Variants in BBS7 observed in about 807,000 individuals in gnomAD.
BBS7 encodes BBSome complex member BBS7.
In BBS7, 50 loss-of-function variants were observed where a neutral mutation model predicts 90.3. The ratio of observed to expected loss-of-function variants is 0.55; its 90% CI spans 0.44 to 0.70. The LOEUF is 0.70. Among genes scored for constraint, BBS7 ranks in the 30% least tolerant of loss-of-function variants. The probability of loss-of-function intolerance (pLI) is 0.00; values close to 1 mark genes in which losing one functional copy is unlikely to be tolerated. For synonymous variants in BBS7, 235 were observed against 287.4 expected (o/e 0.82, Z 1.85); for missense variants, 729 against 838.9 (o/e 0.87, Z 1.62).
chr4:121,861,479 A>G, intron 4 of BBS7, 25 bp downstream of exon 4: 1 of 1,603,384 alleles, frequency 6.2e-7, no homozygotes, highest in South Asian at 1.1e-5. Flanking sequence ...GTATGTAAAA[A>G]TACAAAAGAG....
rs924170108 is a variant in BBS7 at position 121,825,751 on chromosome 4, T to C, written c.*109A>G. The C allele has an allele frequency of 1.9e-5, 21 of 1,085,300 alleles. No individual in the cohort carries two copies. In the African/African-American group the frequency reaches 3.0e-4, roughly 16 times the overall value. The allele number at this position is 1,085,300 out of a possible 1,614,324, so 67.2% of individuals were successfully genotyped here. A position where few individuals can be genotyped will look rare whatever the true frequency, so the allele number is the denominator to read the frequency against. On this transcript the variant is annotated 3_prime_UTR_variant, in exon 19 of 19. Transcript: ENST00000264499. ...CCATTATATCTCAAATATTTTTAGA[T>C]ATAAAAAAGCATTTGAAATTAAAGT...
intron 6 of BBS7, 68 bp from the exon 7 acceptor site, chr4:121,854,888 T>C: frequency 7.0e-7 from 1 of 1,420,758 alleles, no homozygotes; most frequent in Non-Finnish European, 9.8e-7. Context: ...AATTAAAATG[T>C]TGTTATGTAA....
intron 4 of BBS7, among the ~76,000 whole-genome samples, chr4:121,860,048 A>T (rs1299981688): frequency 6.6e-6 from 1 of 152,092 alleles, no homozygotes; most frequent in Non-Finnish European, 1.5e-5. Flanking sequence ...CTATTAAAAA[A>T]TTTTATATTA....
Position 121,833,234 on chromosome 4 carries a change from T to C in BBS7, c.1673A>G (p.Tyr558Cys), listed in dbSNP as rs1725280380. ...ACCAGTAATAAGTTAGATTTACCTG[T>C]AGGTACTTTCAAGTTGTGTATCTAG... ...TFLDTQLEST[Y>C]RKGEGVFKSD... The change falls in exon 15 of 19, where the codon TAC (tyrosine) becomes TGC (cysteine). Residue 558 changes from tyrosine to cysteine, a missense_variant. Transcript: ENST00000264499. The C allele has an allele frequency of 1.9e-6, 3 of 1,613,476 alleles. No individual in the cohort carries two copies. Among genetic ancestry groups the C allele is most frequent in the Non-Finnish European group, 2.5e-6 (3 of 1,179,558 alleles).
intron 6 of BBS7, 27 bp downstream of exon 6, chr4:121,855,462 A>G: frequency 6.3e-7 from 1 of 1,593,082 alleles, no homozygotes; most frequent in Non-Finnish European, 8.6e-7. Flanking sequence ...CACATAGTTG[A>G]TTTGTGAAAA....
chr4:121,849,890 A>G (rs1333606460), intron 8 of BBS7, among the ~76,000 whole-genome samples: 2 of 152,182 alleles, frequency 1.3e-5, no homozygotes, highest in Non-Finnish European at 2.9e-5. Context: ...AGTTTAGTCT[A>G]TTATCTGAAT....
chr4:121,861,993 T>C (rs1401144319), intron 3 of BBS7, among the ~76,000 whole-genome samples: 1 of 152,200 alleles, frequency 6.6e-6, no homozygotes, highest in African/African-American at 2.4e-5. Flanking sequence ...ATCAACTGAA[T>C]GAGAATCTGT....
At chr4:121,843,655 GA>G (rs1280799592) in intron 12 of BBS7, among the ~76,000 whole-genome samples, 1 of 152,002 alleles carries the variant, frequency 6.6e-6, no homozygotes, top group African/African-American at 2.4e-5. Context: ...TCCAAAACCT[GA>G]AAAAAATCCA....
At chr4:121,839,795 C>T (rs1356398314) in intron 12 of BBS7, 99 bp from the exon 13 acceptor site, 1 of 1,033,630 alleles carries the variant, frequency 9.7e-7, no homozygotes, top group Admixed American at 1.9e-5. Flanking sequence ...GCTTAAGCAC[C>T]TGTCATTGGT....
At chr4:121,849,330 A>C (rs1402682734) in intron 8 of BBS7, among the ~76,000 whole-genome samples, 1 of 152,134 alleles carries the variant, frequency 6.6e-6, no homozygotes, top group Non-Finnish European at 1.5e-5. Flanking sequence ...GCCCCAGAGT[A>C]GCTGGGACCA....
intron 2 of BBS7, among the ~76,000 whole-genome samples, chr4:121,865,112 T>A (rs1727185352): frequency 6.6e-6 from 1 of 152,212 alleles, no homozygotes; most frequent in Admixed American, 6.5e-5. Context: ...TGACCAACTT[T>A]TTTTAGCTTC....
chr4:121,830,356 G>C (rs1725120772), intron 15 of BBS7, among the ~76,000 whole-genome samples: 1 of 152,102 alleles, frequency 6.6e-6, no homozygotes, highest in African/African-American at 2.4e-5. Flanking sequence ...AGCTGAGATT[G>C]AGACACTGCA....
chr4:121,827,856 C>CAA, intron 18 of BBS7: 1 of 1,055,124 alleles, frequency 9.5e-7, no homozygotes, highest in African/African-American at 1.7e-5. Flanking sequence ...TCATAGATTA[C>CAA]ATTCATTTTA....
At chr4:121,860,466 T>G (rs535054561) in intron 4 of BBS7, among the ~76,000 whole-genome samples, 1 of 152,256 alleles carries the variant, frequency 6.6e-6, no homozygotes, top group South Asian at 2.1e-4. Flanking sequence ...AGAACTTTTC[T>G]ATCCCATCTT....
rs111442398 is a variant in BBS7 at position 121,843,997 on chromosome 4, T to C, written c.1235A>G (p.Asp412Gly). 3,190 of 1,584,246 alleles carry C rather than the reference T, an allele frequency of 2.0e-3. 4 individuals carry two copies. The highest frequency in any genetic ancestry group is 2.4e-3 in the Non-Finnish European group (2,785 of 1,158,026). Residue 412 changes from aspartate to glycine, a missense_variant, in exon 12 of 19, where the codon GAT (aspartate) becomes GGT (glycine). Coordinates refer to ENST00000264499, the MANE Select transcript of BBS7 (RefSeq NM_176824.3). ...TAIDNVLIQSDVPIDLLDVDK... is the reference protein window; with the variant it reads ...TAIDNVLIQSGVPIDLLDVDK... ...CACATCAAGTAAATCTATTGGAACA[T>C]CACTCTATAGTCAATATTAAAAAAA...
chr4:121,856,518 C>T (rs1726680989), intron 5 of BBS7, among the ~76,000 whole-genome samples: 1 of 151,934 alleles, frequency 6.6e-6, no homozygotes, highest in African/African-American at 2.4e-5. Flanking sequence ...AGTTCAAGAC[C>T]AGCCTGACCA....
chr4:121,841,459 G>T (rs1393317098), intron 12 of BBS7, among the ~76,000 whole-genome samples: 1 of 152,098 alleles, frequency 6.6e-6, no homozygotes, highest in Non-Finnish European at 1.5e-5. Context: ...TACGTACTCA[G>T]GAGACTGAGA....
Position 121,847,395 on chromosome 4 carries a change from C to A in BBS7, c.1037+9G>T. On this transcript the variant is annotated intron_variant, in intron 10 of 18. Transcript: ENST00000264499. ...TTTTTAAAAAAGCAAATAAAAAACT[C>A]AAAGTTACCGTAAGGAAGAAATTTT... 6.3e-7 allele frequency: 1 copy of A among 1,589,374 alleles called. No individual in the cohort carries two copies. The highest frequency in any genetic ancestry group is 8.6e-7 in the Non-Finnish European group (1 of 1,158,314).
intron 12 of BBS7, among the ~76,000 whole-genome samples, chr4:121,843,294 A>G (rs1725836253): frequency 6.6e-6 from 1 of 152,164 alleles, no homozygotes; most frequent in African/African-American, 2.4e-5. Context: ...AGGAAGGAAG[A>G]CGTCTCTGGT....
Sources: allele counts gnomAD v4.1 joint callset (sites outside exome capture counted in the v4.1 genomes callset), GRCh38; gene constraint gnomAD v4.1.1; transcripts MANE v1.5; gene names NCBI Gene and HGNC (gene_info 2026-07-23, HGNC 2026-07-21).